The following ZC3H15 variants were observed in gnomAD, a reference collection of about 807,000 sequenced individuals.
The protein encoded by ZC3H15 is zinc finger CCCH-type containing 15.
A neutral mutation model predicts 51.2 loss-of-function variants in ZC3H15; 15 were observed. The observed-to-expected ratio is 0.29, with a 90% CI of 0.20 to 0.45. ZC3H15 has a LOEUF of 0.45. Ranked by LOEUF, ZC3H15 falls within the 20% of genes least tolerant of loss-of-function variation. ZC3H15 has a pLI of 1.00. For synonymous variants in ZC3H15, 144 were observed against 162.8 expected, an observed-to-expected ratio of 0.88 and a Z score of 0.88; for missense variants, 381 against 494.7, an observed-to-expected ratio of 0.77 and a Z score of 2.18.
chr2:186,504,389 A>G (rs1214889745), intron 6 of ZC3H15, among the ~76,000 whole-genome samples, 175 bp downstream of exon 6: 2 of 152,228 alleles, frequency 1.3e-5, no homozygotes, highest in African/African-American at 2.4e-5. Context: ...TAACCTAGCC[A>G]TAAACATTAG....
At chr2:186,498,266 G>C (rs904808620) in intron 2 of ZC3H15, among the ~76,000 whole-genome samples, 2 of 152,292 alleles carry the variant, frequency 1.3e-5, no homozygotes, top group Admixed American at 1.3e-4. Context: ...AGAAAAAAGA[G>C]CCCAGGGCTA....
In ZC3H15 at chr2:186,508,702, A is replaced by G. The variant is rs760819611; in HGVS notation, c.1250A>G (p.Glu417Gly). 6.2e-7 allele frequency: 1 copy of G among 1,614,060 alleles called. No individual in the cohort carries two copies. The highest frequency in any genetic ancestry group is 8.5e-7 in the Non-Finnish European group (1 of 1,179,964). Residue 417 changes from glutamate to glycine, a missense_variant, in exon 10 of 10, where the codon GAA (glutamate) becomes GGA (glycine). Transcript: ENST00000337859. ...FTGEDLDELE[E>G]ELNTLDLEE ...GGAGAGGATTTGGATGAACTAGAAG[A>G]AGAATTAAATACACTTGATTTAGAA...
rs1359408378 is a variant in ZC3H15 at position 186,505,502 on chromosome 2, G to T, written c.769G>T (p.Ala257Ser). 6.3e-7 allele frequency: 1 copy of T among 1,599,500 alleles called. No individual in the cohort carries two copies. ...VTKITLESFL[A>S]WKKRKRQEKI... ...CAAAATCACTCTAGAATCTTTTCTT[G>T]CCTGGAAGAAAAGGAAAAGACAAGA... Residue 257 changes from alanine (A) to serine (S), a missense_variant, in exon 7 of 10, where the codon GCC (alanine) becomes TCC (serine). Around this residue, in one of 3 missense-constraint regions of ZC3H15, gnomAD observed 215 missense variants for 241.8 expected, o/e 0.89. Coordinates refer to ENST00000337859, the MANE Select transcript of ZC3H15 (RefSeq NM_018471.3).
intron 1 of ZC3H15, among the ~76,000 whole-genome samples, chr2:186,491,329 AG>A (rs1387372103): frequency 1.3e-5 from 2 of 152,138 alleles, no homozygotes; most frequent in Non-Finnish European, 1.5e-5. Flanking sequence ...GAGAGAAGAG[AG>A]ACAAGCCAAC....
At chr2:186,505,132 A>G (rs957204304) in intron 6 of ZC3H15, 3 of 156,958 alleles carry the variant, frequency 1.9e-5, no homozygotes, top group African/African-American at 7.2e-5. Context: ...AAACTTGGAT[A>G]TTGTTATGGT....
intron 4 of ZC3H15, 69 bp downstream of exon 4, chr2:186,501,494 A>G (rs1685384191): frequency 2.3e-6 from 3 of 1,297,500 alleles, no homozygotes; most frequent in African/African-American, 1.5e-5. Context: ...TAAGATATTT[A>G]TTAAATTGAA....
chr2:186,493,508 G>A (rs559802832), intron 1 of ZC3H15, among the ~76,000 whole-genome samples: 47 of 152,214 alleles, frequency 3.1e-4, no homozygotes, highest in African/African-American at 1.1e-3. Flanking sequence ...TTAGCATTTG[G>A]TTTCTTGTCA....
chr2:186,506,731 G>A lies in ZC3H15; in HGVS notation c.985G>A (p.Val329Ile), dbSNP rs1685473166. 4 of 1,612,772 alleles carry A rather than the reference G, an allele frequency of 2.5e-6. No individual in the cohort carries two copies. The highest frequency in any genetic ancestry group is 3.4e-6 in the Non-Finnish European group (4 of 1,179,250). The change falls in exon 9 of 10, where the codon GTA becomes ATA. Residue 329 changes from valine to isoleucine, a missense_variant. Physicochemically the swap from Val to Ile is conservative, Grantham distance 29. Around this residue, in one of 3 missense-constraint regions of ZC3H15, gnomAD observed 215 missense variants for 241.8 expected, o/e 0.89. Transcript: ENST00000337859. Reference sequence around the variant, plus strand: ...GTTAAAGGTTGATGATTCAGTGAGTGTAAATGACATAGATTTAAGCCTGTA... The same window carrying A: ...GTTAAAGGTTGATGATTCAGTGAGTATAAATGACATAGATTTAAGCCTGTA... ...GGDEVDDSVS[V>I]NDIDLSLYIP...
chr2:186,494,591 A>T (rs933362302), intron 1 of ZC3H15, among the ~76,000 whole-genome samples: 8 of 152,198 alleles, frequency 5.3e-5, no homozygotes, highest in African/African-American at 1.9e-4. Context: ...TCCTAAATGT[A>T]TTTAACTACA....
intron 2 of ZC3H15, chr2:186,497,164 T>C (rs1685296197): frequency 2.3e-6 from 1 of 437,340 alleles, no homozygotes; most frequent in Middle Eastern, 3.5e-4. Flanking sequence ...CTCCTTTTCA[T>C]TAACTTCTGG....
chr2:186,492,493 A>T (rs1245056788), intron 1 of ZC3H15, among the ~76,000 whole-genome samples: 1 of 152,186 alleles, frequency 6.6e-6, no homozygotes, highest in African/African-American at 2.4e-5. Flanking sequence ...CCATGTTGGG[A>T]TGTTAAATCA....
chr2:186,508,355 A>T (rs1057068493), intron 9 of ZC3H15, among the ~76,000 whole-genome samples, 188 bp from the exon 10 acceptor site: 5 of 152,236 alleles, frequency 3.3e-5, no homozygotes, highest in Non-Finnish European at 5.9e-5. Context: ...ATTTTATAGT[A>T]GGTATAGATA....
Position 186,506,708 on chromosome 2 carries a change from T to A in ZC3H15, c.967-5T>A. 1 of 1,604,846 alleles carries A rather than the reference T, an allele frequency of 6.2e-7. No individual in the cohort carries two copies. The highest frequency in any genetic ancestry group is 8.5e-7 in the Non-Finnish European group (1 of 1,176,266). ...AACAACTTTCTTTTCTATATGTTGT[T>A]AAAGGTTGATGATTCAGTGAGTGTA... On this transcript the variant is annotated splice_region_variant and splice_polypyrimidine_tract_variant and intron_variant, in intron 8 of 9. Transcript: ENST00000337859.
chr2:186,504,670 A>G (rs1353484175), intron 6 of ZC3H15, among the ~76,000 whole-genome samples: 3 of 152,230 alleles, frequency 2.0e-5, no homozygotes, highest in Non-Finnish European at 4.4e-5. Flanking sequence ...ATAGAAGGGA[A>G]TGAGTCTGAA....
chr2:186,509,215 T>G lies in ZC3H15; in HGVS notation c.*482T>G, dbSNP rs1685516415. The G allele has an allele frequency of 3.9e-6, 1 of 253,188 alleles. No individual in the cohort carries two copies. Among genetic ancestry groups the G allele is most frequent in the African/African-American group, 2.3e-5 (1 of 43,410 alleles). The allele number at this position is 253,188 out of a possible 1,614,324, so 15.7% of individuals were successfully genotyped here. On this transcript the variant is annotated 3_prime_UTR_variant, in exon 10 of 10. Coordinates refer to ENST00000337859, the MANE Select transcript of ZC3H15 (RefSeq NM_018471.3). The stretch of plus-strand genomic sequence containing the variant: ...TATGCAGATTCAGTATTGTGTATCT[T>G]TGGACAATTAGATGGACATTTAAAA...
At chr2:186,501,092 A>G (rs1685375310) in intron 3 of ZC3H15, among the ~76,000 whole-genome samples, 181 bp from the exon 4 acceptor site, 1 of 152,246 alleles carries the variant, frequency 6.6e-6, no homozygotes, top group Non-Finnish European at 1.5e-5. Flanking sequence ...AAACAAAAGT[A>G]GACATAAATG....
intron 5 of ZC3H15, 123 bp downstream of exon 5, chr2:186,502,710 C>A: frequency 1.3e-6 from 1 of 765,714 alleles, no homozygotes; most frequent in Non-Finnish European, 2.0e-6. Flanking sequence ...TTGATTTCAT[C>A]AAGATAAGGT....
At chr2:186,500,495 G>T in intron 3 of ZC3H15, 1 of 655,482 alleles carries the variant, frequency 1.5e-6, no homozygotes. Flanking sequence ...CAGCTGAACT[G>T]CAGCCATGCA....
chr2:186,505,936 A>G, intron 8 of ZC3H15, 95 bp downstream of exon 8: 1 of 1,321,238 alleles, frequency 7.6e-7, no homozygotes, highest in Non-Finnish European at 1.1e-6. Context: ...CATCAGAGCC[A>G]CAGTGCCTGG....
Sources: allele counts gnomAD v4.1 joint callset (sites outside exome capture counted in the v4.1 genomes callset), GRCh38; gene constraint gnomAD v4.1.1; regional missense constraint gnomAD v4.1.1; transcripts MANE v1.5; gene names NCBI Gene and HGNC (gene_info 2026-07-23, HGNC 2026-07-21).